The following ADAM18 variants were observed in gnomAD, a reference collection of about 807,000 sequenced individuals.
The protein encoded by ADAM18 is disintegrin and metalloproteinase domain-containing protein 18.
In ADAM18, 117 loss-of-function variants were observed where a neutral mutation model predicts 94.4. That is an observed-to-expected ratio of 1.24 (90% CI 1.07 to 1.45). The LOEUF is 1.45. Among genes scored for constraint, ADAM18 ranks in the 40% most tolerant of loss-of-function variants. The probability of loss-of-function intolerance (pLI) is 0.00; values close to 1 mark genes in which losing one functional copy is unlikely to be tolerated. For synonymous variants in ADAM18, 327 were observed against 291.6 expected, an observed-to-expected ratio of 1.12 and a Z score of -1.24; for missense variants, 936 against 880.0, an observed-to-expected ratio of 1.06 and a Z score of -0.81.
intron 15 of ADAM18, among the ~76,000 whole-genome samples, chr8:39,679,723 G>A (rs1166614048): frequency 6.6e-6 from 1 of 152,164 alleles, no homozygotes; most frequent in Non-Finnish European, 1.5e-5. Flanking sequence ...ATATCAAAGT[G>A]GGGCAAGTGA....
intron 7 of ADAM18, among the ~76,000 whole-genome samples, chr8:39,630,710 T>C (rs538445340): frequency 6.6e-6 from 1 of 152,098 alleles, no homozygotes; most frequent in East Asian, 1.9e-4. Flanking sequence ...ATCTTGCTCA[T>C]GTCTTTTGGT....
chr8:39,705,592 T>C (rs889657959), intron 17 of ADAM18, among the ~76,000 whole-genome samples: 3 of 152,102 alleles, frequency 2.0e-5, no homozygotes, highest in Non-Finnish European at 2.9e-5. Context: ...GATTCTAATA[T>C]TAAAATACTG....
chr8:39,683,787 T>C (rs1821532687), intron 16 of ADAM18, among the ~76,000 whole-genome samples: 2 of 152,218 alleles, frequency 1.3e-5, no homozygotes, highest in Non-Finnish European at 1.5e-5. Flanking sequence ...TCTTTAAATA[T>C]CCTAAAGGCA....
intron 19 of ADAM18, among the ~76,000 whole-genome samples, chr8:39,726,242 C>T (rs1248722837): frequency 8.6e-6 from 1 of 115,678 alleles, no homozygotes; most frequent in Non-Finnish European, 1.8e-5. Flanking sequence ...TCTTGCTATT[C>T]ACTTGTATGA....
At chr8:39,648,652 G>T (rs924733738) in intron 12 of ADAM18, 125 bp downstream of exon 12, 16 of 905,920 alleles carry the variant, frequency 1.8e-5, no homozygotes, top group Non-Finnish European at 2.5e-5. Flanking sequence ...TGAAATATGA[G>T]AAACAGGATG....
intron 17 of ADAM18, 92 bp from the exon 18 acceptor site, chr8:39,706,698 T>A: frequency 1.8e-6 from 1 of 559,700 alleles, no homozygotes; most frequent in East Asian, 2.9e-5. Flanking sequence ...AATTATTCTA[T>A]GAAATTTAGT....
chr8:39,655,663 A>G (rs1820663981), intron 12 of ADAM18, among the ~76,000 whole-genome samples: 1 of 152,154 alleles, frequency 6.6e-6, no homozygotes, highest in Non-Finnish European at 1.5e-5. Context: ...CAACAAAAAG[A>G]AAATGCATAA....
chr8:39,684,568 C>T (rs964862597), intron 16 of ADAM18, among the ~76,000 whole-genome samples: 2 of 152,094 alleles, frequency 1.3e-5, no homozygotes, highest in African/African-American at 4.8e-5. Context: ...CTCTCTTAGG[C>T]TAGAGTTTCA....
intron 12 of ADAM18, among the ~76,000 whole-genome samples, chr8:39,660,474 C>A (rs573207333): frequency 1.3e-5 from 2 of 152,120 alleles, no homozygotes; most frequent in African/African-American, 2.4e-5. Context: ...ATAAAGTAGA[C>A]TTCAAGTGGA....
At chr8:39,612,250 G>A (rs1819300077) in intron 6 of ADAM18, among the ~76,000 whole-genome samples, 1 of 152,128 alleles carries the variant, frequency 6.6e-6, no homozygotes, top group Admixed American at 6.6e-5. Flanking sequence ...ATCTTTGGAA[G>A]GAAGGAATTG....
chr8:39,648,109 TA>T (rs1820434460), intron 11 of ADAM18, among the ~76,000 whole-genome samples: 1 of 152,354 alleles, frequency 6.6e-6, no homozygotes, highest in East Asian at 1.9e-4. Flanking sequence ...TACATAGATT[TA>T]ACCACCATAC....
intron 11 of ADAM18, among the ~76,000 whole-genome samples, chr8:39,647,020 C>G (rs1820400083): frequency 6.6e-6 from 1 of 151,934 alleles, no homozygotes; most frequent in Admixed American, 6.6e-5. Flanking sequence ...TGTGGGATAT[C>G]TCGTCAGGTG....
In ADAM18 at chr8:39,677,523, C is replaced by T. The variant is rs767965639; in HGVS notation, c.1618C>T (p.Pro540Ser). The change falls in exon 15 of 20, where the codon CCT (proline) becomes TCT (serine). Residue 540 changes from proline to serine, a missense_variant. Pro to Ser is a moderately conservative substitution (Grantham distance 74, BLOSUM62 -1). Transcript: ENST00000265707. ...NCGFKNSQPL[P>S]CERKDVLCGK... Reference sequence around the variant, plus strand: ...TGGTTTTAAAAATTCACAACCATTACCTTGTGAACGGAAGTACGTATGTAG... The same window carrying T: ...TGGTTTTAAAAATTCACAACCATTATCTTGTGAACGGAAGTACGTATGTAG... 45 of 1,600,260 alleles carry T rather than the reference C, an allele frequency of 2.8e-5. No homozygotes were observed. Among genetic ancestry groups the T allele is most frequent in the Non-Finnish European group, 3.4e-5 (40 of 1,174,942 alleles).
chr8:39,646,574 G>C (rs1336254944), intron 11 of ADAM18, among the ~76,000 whole-genome samples: 3 of 152,116 alleles, frequency 2.0e-5, no homozygotes, highest in Non-Finnish European at 4.4e-5. Context: ...AAAGAACAGA[G>C]TCCAGGGTCA....
chr8:39,672,710 G>C (rs552853406), intron 14 of ADAM18, among the ~76,000 whole-genome samples: 1 of 152,300 alleles, frequency 6.6e-6, no homozygotes, highest in Non-Finnish European at 1.5e-5. Flanking sequence ...CTTGTTAACT[G>C]TTCCTCTCAT....
chr8:39,708,369 T>A (rs1563315479), intron 18 of ADAM18, among the ~76,000 whole-genome samples: 1 of 152,202 alleles, frequency 6.6e-6, no homozygotes, highest in African/African-American at 2.4e-5. Flanking sequence ...AAATCTCATA[T>A]AGAATTATAA....
Position 39,706,835 on chromosome 8 carries a change from C to A in ADAM18, c.1948C>A (p.Pro650Thr). The A allele has an allele frequency of 3.1e-6, 5 of 1,610,714 alleles. No individual in the cohort carries two copies. The South Asian group carries it at 4.4e-5, about 14-fold the overall frequency. The stretch of plus-strand genomic sequence containing the variant: ...TTGTCAATGCTTCCCTGGACATAGA[C>A]CTCCAGATTGTAAATTCCAGTTTGG... ...GNCQCFPGHR[P>T]PDCKFQFGSP... The change falls in exon 18 of 20, where the codon CCT (proline) becomes ACT (threonine). Residue 650 changes from proline to threonine, a missense_variant. Physicochemically the swap from Pro to Thr is conservative, Grantham distance 38 (BLOSUM62 -1). Transcript: ENST00000265707.
At position 39,679,074 on chromosome 8, in the gene ADAM18, G is replaced by T. The variant is rs543694057; in HGVS notation, c.1632-963G>T. On this transcript the variant is annotated intron_variant, in intron 15 of 19. Transcript: ENST00000265707. The stretch of plus-strand genomic sequence containing the variant: ...TATCAAGACCTGGGAAAGTAGAAAA[G>T]TTATGCTGGAGGGAAGACAAAAGTG... Among the ~76,000 whole-genome samples, 255 of 152,232 alleles carry T rather than the reference G, an allele frequency of 1.7e-3. 1 individual carries two copies. The highest frequency in any genetic ancestry group is 5.7e-3 in the African/African-American group (238 of 41,562).
intron 6 of ADAM18, chr8:39,611,364 G>A (rs909714603): frequency 1.1e-6 from 1 of 878,160 alleles, no homozygotes; most frequent in Non-Finnish European, 1.4e-6. Flanking sequence ...GGAGCTCAAA[G>A]CACTTCTTGG....
Sources: gnomAD v4.1 joint callset for allele counts (sites outside exome capture counted in the v4.1 genomes callset) on GRCh38, gnomAD v4.1.1 for gene constraint, MANE v1.5 for transcripts, NCBI Gene and HGNC (gene_info 2026-07-23, HGNC 2026-07-21) for gene names.